The following FILIP1L variants were observed in gnomAD, a reference collection of about 807,000 sequenced individuals.
The protein encoded by FILIP1L is filamin A interacting protein 1 like.
FILIP1L carries 55 observed loss-of-function variants against 96.6 expected under a neutral mutation model. The observed-to-expected ratio is 0.57, with a 90% confidence interval of 0.46 to 0.71. The LOEUF (loss-of-function observed/expected upper bound fraction) is 0.71, where lower values mean the gene tolerates loss of function less well. FILIP1L is among the 30% of genes least tolerant of loss of function. The pLI, the probability that FILIP1L is intolerant of heterozygous loss-of-function variation, is 0.00. For missense variants in FILIP1L, 1,304 were observed against 1,321.2 expected (o/e 0.99, Z 0.20); for synonymous variants, 467 against 473.9 (o/e 0.99, Z 0.19).
intron 1 of FILIP1L, among the ~76,000 whole-genome samples, chr3:100,087,410 G>T (rs1467327625): frequency 3.3e-5 from 5 of 152,076 alleles, no homozygotes; most frequent in African/African-American, 4.8e-5. Flanking sequence ...ACTGGGTTTT[G>T]TTTTCTTTTG....
At chr3:99,946,067 T>C (rs1576592172) in intron 1 of FILIP1L, among the ~76,000 whole-genome samples, 2 of 152,356 alleles carry the variant, frequency 1.3e-5, no homozygotes, top group South Asian at 4.1e-4. Context: ...ATTATGGTCT[T>C]GGTTCATCAG....
chr3:100,025,931 T>A (rs2064912086), intron 1 of FILIP1L, among the ~76,000 whole-genome samples: 2 of 152,120 alleles, frequency 1.3e-5, no homozygotes, highest in Admixed American at 1.3e-4. Context: ...GGAGCTCCCT[T>A]GTTTGGAAAG....
At chr3:99,936,934 TTTTC>T (rs1226628493) in intron 1 of FILIP1L, among the ~76,000 whole-genome samples, 5 of 152,166 alleles carry the variant, frequency 3.3e-5, no homozygotes, top group African/African-American at 9.7e-5. Flanking sequence ...GCTTATTTTC[TTTTC>T]TTTCTTTTCT....
intron 4 of FILIP1L, among the ~76,000 whole-genome samples, chr3:99,905,011 C>G (rs1241319873): frequency 6.6e-6 from 1 of 152,208 alleles, no homozygotes; most frequent in East Asian, 1.9e-4. Context: ...GATCCAAAAG[C>G]CTTCACTCTG....
intron 1 of FILIP1L, among the ~76,000 whole-genome samples, chr3:100,067,716 TACTGCAC>T (rs1224510233): frequency 6.6e-6 from 1 of 152,208 alleles, no homozygotes; most frequent in Non-Finnish European, 1.5e-5. Context: ...AAAAACTGTG[TACTGCAC>T]ACTGAGTAGG....
chr3:99,921,506 A>G (rs1707123475), intron 4 of FILIP1L, among the ~76,000 whole-genome samples: 2 of 152,210 alleles, frequency 1.3e-5, no homozygotes, highest in African/African-American at 2.4e-5. Context: ...GGGAAGTCAC[A>G]TATGCATCAA....
intron 1 of FILIP1L, among the ~76,000 whole-genome samples, chr3:99,998,790 C>T (rs1179166817): frequency 6.6e-6 from 1 of 152,140 alleles, no homozygotes; most frequent in Non-Finnish European, 1.5e-5. Flanking sequence ...AGGATGGTCT[C>T]GATCTCCTGA....
rs34256109 is a variant in FILIP1L, at chr3:99,984,052, A to ATGTGTGTGTGTGTG, written c.-10-53023_-10-53022insCACACACACACACA. ...TTAGCATGAAAAAGGATGTATATGTATGTGTGTTTGTGTGTGTGTGTGTGT... is the reference window on the plus strand; with the variant it reads ...TTAGCATGAAAAAGGATGTATATGTATGTGTGTGTGTGTGTGTGTGTTTGTGTGTGTGTGTGTGT... On this transcript the variant is annotated intron_variant, in intron 1 of 5. Coordinates refer to ENST00000477258, the MANE Select transcript of FILIP1L (RefSeq NM_001387850.1). Among the ~76,000 whole-genome samples, 24 of 151,286 alleles carry ATGTGTGTGTGTGTG rather than the reference A, an allele frequency of 1.6e-4. 1 individual carries two copies. The highest frequency in any genetic ancestry group is 5.6e-4 in the African/African-American group (23 of 41,176).
At chr3:100,028,144 A>G (rs1461697338) in intron 1 of FILIP1L, among the ~76,000 whole-genome samples, 1 of 152,224 alleles carries the variant, frequency 6.6e-6, no homozygotes, top group Non-Finnish European at 1.5e-5. Context: ...CAGCATGCTA[A>G]TTGCTTTATA....
Position 99,929,873 on chromosome 3 carries a change from C to T in FILIP1L, c.409G>A (p.Glu137Lys), listed in dbSNP as rs776840898. Reference sequence around the variant, plus strand: ...GTACATACCTCATTCATTGGTTTCTCATAGATGTCCTCCTGCCAAGGGGTA... The same window carrying T: ...GTACATACCTCATTCATTGGTTTCTTATAGATGTCCTCCTGCCAAGGGGTA... Reference protein sequence around the residue: ...KSTPWQEDIYEKPMNELDKVV... With the variant: ...KSTPWQEDIYKKPMNELDKVV... The change falls in exon 3 of 6, where the codon GAG (glutamate) becomes AAG (lysine). Residue 137 changes from glutamate (E) to lysine (K), a missense_variant. Glu to Lys is a moderately conservative substitution (Grantham distance 56). Transcript: ENST00000477258. 2.5e-6 allele frequency: 4 copies of T among 1,612,742 alleles called. No homozygotes were observed. Among genetic ancestry groups the T allele is most frequent in the Non-Finnish European group, 3.4e-6 (4 of 1,179,460 alleles).
In FILIP1L at chr3:99,993,795, G is replaced by C. The variant is rs147572479; in HGVS notation, c.-10-62765C>G. Among the ~76,000 whole-genome samples, 14 of 152,204 alleles carry C rather than the reference G, an allele frequency of 9.2e-5. 1 individual carries two copies. In the East Asian group the frequency reaches 2.7e-3, roughly 29 times the overall value. On this transcript the variant is annotated intron_variant, in intron 1 of 5. Coordinates refer to ENST00000477258, the MANE Select transcript of FILIP1L (RefSeq NM_001387850.1). ...TCATGTTTATTGATTTACATGTGTTGAACCATCCTTGCATCCCTGGGATAA... is the reference window on the plus strand; with the variant it reads ...TCATGTTTATTGATTTACATGTGTTCAACCATCCTTGCATCCCTGGGATAA...
At chr3:100,037,939 C>CT (rs150366639) in intron 1 of FILIP1L, among the ~76,000 whole-genome samples, 4,899 of 118,168 alleles carry the variant, frequency 0.041, 185 homozygotes, top group South Asian at 0.1. Flanking sequence ...AATCGCTTTT[C>CT]TTTTTTTTTT....
rs143556398 is a variant in FILIP1L, at chr3:100,079,562, A to T, written c.-11+34491T>A. ...CAAAAAAGTAGATTTTTTATTTTTG[A>T]ATAGATACAGTCAGTGTCACTTTTG... On this transcript the variant is annotated intron_variant, in intron 1 of 5. Coordinates refer to ENST00000477258, the MANE Select transcript of FILIP1L (RefSeq NM_001387850.1). 1.6e-3 allele frequency among the ~76,000 whole-genome samples: 242 copies of T among 152,350 alleles called. 1 individual carries two copies. The highest frequency in any genetic ancestry group is 2.5e-3 in the Non-Finnish European group (172 of 68,026).
chr3:99,992,440 C>T (rs750036660), intron 1 of FILIP1L, among the ~76,000 whole-genome samples: 5 of 151,924 alleles, frequency 3.3e-5, no homozygotes, highest in African/African-American at 4.8e-5. Context: ...AGAATTTTTT[C>T]ATGTTTGTTG....
chr3:100,022,739 C>A (rs957355274), intron 1 of FILIP1L, among the ~76,000 whole-genome samples: 1 of 152,154 alleles, frequency 6.6e-6, no homozygotes, highest in African/African-American at 2.4e-5. Context: ...ATGTTTCCAT[C>A]ATTTGTTCCC....
At chr3:99,923,807 T>G (rs1306088540) in intron 4 of FILIP1L, among the ~76,000 whole-genome samples, 1 of 152,246 alleles carries the variant, frequency 6.6e-6, no homozygotes, top group Non-Finnish European at 1.5e-5. Context: ...AAGCCTTTCC[T>G]TTTCTCATCC....
chr3:99,983,389 A>ATATAT (rs1559713312), intron 1 of FILIP1L, among the ~76,000 whole-genome samples: 17 of 40,794 alleles, frequency 4.2e-4, no homozygotes, highest in African/African-American at 1.4e-3. Flanking sequence ...TAAATAAATA[A>ATATAT]ATATATATAT....
At chr3:100,000,424 C>T (rs1315661914) in intron 1 of FILIP1L, among the ~76,000 whole-genome samples, 1 of 152,068 alleles carries the variant, frequency 6.6e-6, no homozygotes, top group Non-Finnish European at 1.5e-5. Context: ...GTGTGAATGT[C>T]GTCAGCTGTA....
chr3:99,836,496 G>C (rs184455436), intron 5 of FILIP1L, among the ~76,000 whole-genome samples: 1 of 152,154 alleles, frequency 6.6e-6, no homozygotes, highest in Admixed American at 6.5e-5. Context: ...TAGAGAAATT[G>C]TTGATACTAC....
Sources: allele counts gnomAD v4.1 joint callset (sites outside exome capture counted in the v4.1 genomes callset), GRCh38; gene constraint gnomAD v4.1.1; transcripts MANE v1.5; gene names NCBI Gene and HGNC (gene_info 2026-07-23, HGNC 2026-07-21).